Variants in SFSWAP observed in about 807,000 individuals in gnomAD.
SFSWAP encodes splicing factor SWAP.
SFSWAP carries 17 observed loss-of-function variants against 100.7 expected under a neutral mutation model. That is an observed-to-expected ratio of 0.17 (90% CI 0.12 to 0.25). The LOEUF is 0.25. Ranked by LOEUF, SFSWAP falls within the 10% of genes least tolerant of loss-of-function variation. The pLI is 1.00. For missense variants in SFSWAP, 1,005 were observed against 1,262.6 expected, an observed-to-expected ratio of 0.80 and a Z score of 3.09; for synonymous variants, 504 against 510.1, an observed-to-expected ratio of 0.99 and a Z score of 0.16.
At chr12:131,736,214 G>C (rs190645336) in intron 7 of SFSWAP, among the ~76,000 whole-genome samples, 125 of 152,302 alleles carry the variant, frequency 8.2e-4, no homozygotes, top group Admixed American at 2.0e-3. Flanking sequence ...CAAGCTAACA[G>C]GAAGGGGTGT....
chr12:131,714,744 GC>G lies in SFSWAP; in HGVS notation c.389-77del. ...AAGTATGTTGTATGCTTTACTGATAGCTACAACTTTAGAAATATATAAAGTT... is the reference window on the plus strand; with the variant it reads ...AAGTATGTTGTATGCTTTACTGATAGTACAACTTTAGAAATATATAAAGTT... On this transcript the variant is annotated intron_variant, in intron 2 of 17. Coordinates refer to ENST00000261674, the MANE Select transcript of SFSWAP (RefSeq NM_004592.4). This position sits in a 1 kb window ranked among gnomAD's most constrained non-coding sequence, Gnocchi z 6.0. The G allele has an allele frequency of 4.4e-6, 6 of 1,359,110 alleles. No individual in the cohort carries two copies. The South Asian group carries it at 6.1e-5, about 14-fold the overall frequency. The allele number at this position is 1,359,110 out of a possible 1,614,324, so 84.2% of individuals were successfully genotyped here. A position where few individuals can be genotyped will look rare whatever the true frequency, so the allele number is the denominator to read the frequency against.
chr12:131,713,213 AT>A (rs1447755816), intron 1 of SFSWAP: 5 of 152,174 alleles, frequency 3.3e-5, no homozygotes, highest in African/African-American at 1.2e-4. Flanking sequence ...TAACTCATTC[AT>A]TTATTATCTG....
chr12:131,791,608 C>T (rs1885230383), intron 15 of SFSWAP, among the ~76,000 whole-genome samples: 1 of 150,592 alleles, frequency 6.6e-6, no homozygotes, highest in Admixed American at 6.6e-5. Context: ...AAAAATTAAC[C>T]GGGTGTGGTA....
rs1885511590 is a variant in SFSWAP at position 131,794,761 on chromosome 12, A to G, written c.2535-2417A>G. 6.6e-6 allele frequency among the ~76,000 whole-genome samples: 1 copy of G among 152,194 alleles called. No individual in the cohort carries two copies. Among genetic ancestry groups the G allele is most frequent in the Non-Finnish European group, 1.5e-5 (1 of 68,040 alleles). ...GGTGTCAGGGTGTGCGCACTTGCCAAGCTCAGCGGCAGCACCGAGGACAGC... is the reference window on the plus strand; with the variant it reads ...GGTGTCAGGGTGTGCGCACTTGCCAGGCTCAGCGGCAGCACCGAGGACAGC... On this transcript the variant is annotated intron_variant, in intron 15 of 17. Coordinates refer to ENST00000261674, the MANE Select transcript of SFSWAP (RefSeq NM_004592.4). The surrounding 1 kb of genome is among the most constrained non-coding windows in gnomAD (Gnocchi z 4.8).
At chr12:131,758,774 C>T (rs756852981) in intron 11 of SFSWAP, among the ~76,000 whole-genome samples, 38 of 152,290 alleles carry the variant, frequency 2.5e-4, no homozygotes, top group African/African-American at 7.9e-4. Context: ...GACAAAACCC[C>T]GTCTCTGCTA....
At position 131,728,294 on chromosome 12, in the gene SFSWAP, C is replaced by A; in HGVS notation, c.947C>A (p.Pro316His). 2 of 1,614,164 alleles carry A rather than the reference C, an allele frequency of 1.2e-6. No individual in the cohort carries two copies. The highest frequency in any genetic ancestry group is 1.1e-5 in the South Asian group (1 of 91,088). The change falls in exon 7 of 18, where the codon CCC becomes CAC. Residue 316 changes from proline to histidine, a missense_variant and splice_region_variant. Pro to His is a moderately conservative substitution (Grantham distance 77, BLOSUM62 -2). Around this residue, in one of 7 missense-constraint regions of SFSWAP, gnomAD observed 22 missense variants for 52.6 expected, o/e 0.42. Transcript: ENST00000261674. The stretch of plus-strand genomic sequence containing the variant: ...AGGCTGTGTCTTCTCTGTTTCCAGC[C>A]CTTGAAGGTAGTGGACCCAGATCAT... Reference protein sequence around the residue: ...KCNRLEELMKPLKVVDPDHPL... With the variant: ...KCNRLEELMKHLKVVDPDHPL...
intron 14 of SFSWAP, chr12:131,783,796 A>T (rs1162884636): frequency 4.4e-5 from 3 of 67,574 alleles, no homozygotes; most frequent in Non-Finnish European, 1.3e-4. Context: ...AACATTTTAT[A>T]TATATATATA....
intron 15 of SFSWAP, among the ~76,000 whole-genome samples, chr12:131,793,968 G>T (rs1246332532): frequency 2.0e-5 from 3 of 152,178 alleles, no homozygotes; most frequent in Non-Finnish European, 1.5e-5. Context: ...TGGGAAACGT[G>T]TGCAGTTTCT....
In SFSWAP at chr12:131,715,597, C is replaced by T. The variant is rs116298781; in HGVS notation, c.520+644C>T. 6.6e-3 allele frequency among the ~76,000 whole-genome samples: 1,007 copies of T among 152,350 alleles called. 12 individuals are homozygous for T. The highest frequency in any genetic ancestry group is 0.021 in the African/African-American group (867 of 41,570). Reference sequence around the variant, plus strand: ...AAATATCCTCAATCACTTCACTAAGCGTCGAGAGCTCCACTACCACAGCGC... The same window carrying T: ...AAATATCCTCAATCACTTCACTAAGTGTCGAGAGCTCCACTACCACAGCGC... On this transcript the variant is annotated intron_variant, in intron 3 of 17. Transcript: ENST00000261674.
chr12:131,757,020 C>G (rs890847549), intron 11 of SFSWAP: 4 of 176,788 alleles, frequency 2.3e-5, no homozygotes, highest in Non-Finnish European at 4.8e-5. Context: ...TTGAGAATCT[C>G]TACCAGGCAA....
intron 7 of SFSWAP, among the ~76,000 whole-genome samples, chr12:131,732,389 G>A (rs946439415): frequency 1.6e-4 from 24 of 152,206 alleles, no homozygotes; most frequent in Non-Finnish European, 3.4e-4. Context: ...ACGTCGCTGA[G>A]TTGCTTCAAG....
intron 10 of SFSWAP, 81 bp from the exon 11 acceptor site, chr12:131,756,392 C>CCT: frequency 1.6e-6 from 2 of 1,264,476 alleles, no homozygotes; most frequent in Non-Finnish European, 2.3e-6. Context: ...TCCAGTGAAA[C>CCT]ATATACCGTA....
At chr12:131,765,793 G>A (rs141378263) in intron 12 of SFSWAP, among the ~76,000 whole-genome samples, 4 of 129,868 alleles carry the variant, frequency 3.1e-5, no homozygotes, top group African/African-American at 5.3e-5. Flanking sequence ...ACCAACTGTC[G>A]GATCATTTGG....
At chr12:131,763,665 T>C (rs1882859058) in intron 11 of SFSWAP, among the ~76,000 whole-genome samples, 1 of 152,148 alleles carries the variant, frequency 6.6e-6, no homozygotes, top group South Asian at 2.1e-4. Flanking sequence ...TAGGTAAAAA[T>C]GTTTGCTGAA....
chr12:131,727,776 C>G lies in SFSWAP; in HGVS notation c.946-517C>G, dbSNP rs994862747. 4.6e-5 allele frequency among the ~76,000 whole-genome samples: 7 copies of G among 152,162 alleles called. No homozygotes were observed. The East Asian group carries it at 1.3e-3, about 29-fold the overall frequency. ...TAAATATTTTCACTTCTAATTCTCC[C>G]CTCATCTGTGTGAAGAAACCACTCA... On this transcript the variant is annotated intron_variant, in intron 6 of 17. Transcript: ENST00000261674.
intron 13 of SFSWAP, among the ~76,000 whole-genome samples, chr12:131,770,297 G>A (rs889788453): frequency 3.3e-5 from 5 of 152,190 alleles, no homozygotes; most frequent in Non-Finnish European, 7.3e-5. Context: ...GCACGCCCTG[G>A]GTGAGGAAGC....
rs1239430797 is a variant in SFSWAP at position 131,730,945 on chromosome 12, C to T, written c.1081+2517C>T. On this transcript the variant is annotated intron_variant, in intron 7 of 17. Coordinates refer to ENST00000261674, the MANE Select transcript of SFSWAP (RefSeq NM_004592.4). This position sits in a 1 kb window ranked among gnomAD's most constrained non-coding sequence, Gnocchi z 4.0. ...GGGCTGGTGAAAGCATGCGTGTCTGCTGTTAGGGTCTGTGGGTTTTAGACA... is the reference window on the plus strand; with the variant it reads ...GGGCTGGTGAAAGCATGCGTGTCTGTTGTTAGGGTCTGTGGGTTTTAGACA... Among the ~76,000 whole-genome samples, 3 of 152,196 alleles carry T rather than the reference C, an allele frequency of 2.0e-5. No individual in the cohort carries two copies. The highest frequency in any genetic ancestry group is 7.2e-5 in the African/African-American group (3 of 41,440).
rs146850669 is a variant in SFSWAP at position 131,797,281 on chromosome 12, G to A, written c.2638G>A (p.Ala880Thr). 4,043 of 1,611,256 alleles carry A rather than the reference G, an allele frequency of 2.5e-3. 9 individuals are homozygous for A. The highest frequency in any genetic ancestry group is 3.2e-3 in the Non-Finnish European group (3,763 of 1,178,964). ...SPSKQAAPRP[A>T]APAAHSAHSA... Reference sequence around the variant, plus strand: ...CAGCAAGCAGGCAGCGCCCCGGCCCGCGGCCCCCGCGGCCCACTCGGCGCA... The same window carrying A: ...CAGCAAGCAGGCAGCGCCCCGGCCCACGGCCCCCGCGGCCCACTCGGCGCA... The change falls in exon 16 of 18, where the codon GCG becomes ACG. Residue 880 changes from alanine to threonine, a missense_variant. Physicochemically the swap from Ala to Thr is moderately conservative, Grantham distance 58. Transcript: ENST00000261674.
chr12:131,741,287 T>C (rs974374534), intron 7 of SFSWAP, among the ~76,000 whole-genome samples: 3 of 152,120 alleles, frequency 2.0e-5, no homozygotes, highest in Non-Finnish European at 4.4e-5. Flanking sequence ...TTTCATACAA[T>C]TTTGATGTCA....
Sources: gnomAD v4.1 joint callset for allele counts (sites outside exome capture counted in the v4.1 genomes callset) on GRCh38, gnomAD v4.1.1 for gene constraint, gnomAD v4.1.1 regional missense constraint, Gnocchi (gnomAD v3.1) non-coding constraint, MANE v1.5 for transcripts, NCBI Gene and HGNC (gene_info 2026-07-23, HGNC 2026-07-21) for gene names.